The following SNTG1 variants were observed in gnomAD, a reference collection of about 807,000 sequenced individuals.
SNTG1 encodes the protein gamma-1-syntrophin.
SNTG1 carries 39 observed loss-of-function variants against 74.7 expected under a neutral mutation model. That is an observed-to-expected ratio of 0.52 (90% CI 0.40 to 0.68). SNTG1 has a LOEUF of 0.68. Ranked by LOEUF, SNTG1 falls within the 30% of genes least tolerant of loss-of-function variation. The pLI is 0.00. For synonymous variants in SNTG1, 254 were observed against 217.1 expected (o/e 1.17, Z -1.49); for missense variants, 685 against 609.5 (o/e 1.12, Z -1.30).
In SNTG1 at chr8:50,795,153, G is replaced by T. The variant is rs532545498; in HGVS notation, c.*2324G>T. ...ATACATTTAATATACTTTAAATTAC[G>T]TTGTAAAATGTAGCTTGATTAAAAA... On this transcript the variant is annotated 3_prime_UTR_variant, in exon 19 of 19. Coordinates refer to ENST00000642720, the MANE Select transcript of SNTG1 (RefSeq NM_018967.5). The T allele has an allele frequency of 3.3e-5, 5 of 151,792 alleles. No homozygotes were observed. Among genetic ancestry groups the T allele is most frequent in the Middle Eastern group, 3.4e-3 (1 of 292 alleles). 9.4% of individuals were successfully genotyped at this position (151,792 alleles called of 1,614,324 possible). A position where few individuals can be genotyped will look rare whatever the true frequency, so the allele number is the denominator to read the frequency against.
intron 12 of SNTG1, among the ~76,000 whole-genome samples, chr8:50,557,160 C>G (rs987226245): frequency 6.6e-6 from 1 of 151,378 alleles, no homozygotes; most frequent in African/African-American, 2.4e-5. Flanking sequence ...AGGGGCTGAT[C>G]CCTCCTACAG....
chr8:50,432,263 A>C (rs1049673256), intron 4 of SNTG1, among the ~76,000 whole-genome samples: 2 of 152,140 alleles, frequency 1.3e-5, no homozygotes, highest in African/African-American at 4.8e-5. Flanking sequence ...TGTTGGAAAA[A>C]AATATCTTTG....
chr8:50,574,565 A>G (rs535770156), intron 12 of SNTG1, among the ~76,000 whole-genome samples: 3 of 152,272 alleles, frequency 2.0e-5, no homozygotes, highest in Admixed American at 2.0e-4. Context: ...CTTTACACAT[A>G]TAAAACAAAA....
chr8:50,702,316 T>A (rs1438204041), intron 15 of SNTG1, among the ~76,000 whole-genome samples: 5 of 152,088 alleles, frequency 3.3e-5, no homozygotes, highest in Non-Finnish European at 7.4e-5. Context: ...TATGTTTTCA[T>A]TTTTTTCTCC....
At chr8:50,433,540 C>T (rs2093266831) in intron 4 of SNTG1, among the ~76,000 whole-genome samples, 1 of 147,882 alleles carries the variant, frequency 6.8e-6, no homozygotes, top group Non-Finnish European at 1.5e-5. Context: ...ATAGAAAGAA[C>T]AGCAGAGATC....
chr8:50,486,311 C>G (rs1409604798), intron 8 of SNTG1, among the ~76,000 whole-genome samples: 1 of 143,348 alleles, frequency 7.0e-6, no homozygotes, highest in Non-Finnish European at 1.5e-5. Context: ...TGTTTGTATC[C>G]TCTTTTATTT....
intron 1 of SNTG1, among the ~76,000 whole-genome samples, chr8:50,101,547 C>CTTATT (rs761422558): frequency 3.2e-4 from 48 of 151,672 alleles, no homozygotes; most frequent in Non-Finnish European, 6.2e-4. Flanking sequence ...AGTATATTTT[C>CTTATT]TTATTTTATT....
chr8:50,581,253 G>A (rs1453945670), intron 12 of SNTG1, among the ~76,000 whole-genome samples: 1 of 152,180 alleles, frequency 6.6e-6, no homozygotes, highest in African/African-American at 2.4e-5. Flanking sequence ...CTGCAACAAA[G>A]GAGGTAGATC....
intron 8 of SNTG1, among the ~76,000 whole-genome samples, chr8:50,458,792 T>G (rs2093532487): frequency 6.6e-6 from 1 of 152,160 alleles, no homozygotes; most frequent in African/African-American, 2.4e-5. Flanking sequence ...TACTGATTTC[T>G]AAGAGTTTGT....
intron 8 of SNTG1, among the ~76,000 whole-genome samples, chr8:50,475,589 A>G (rs2093690891): frequency 6.6e-6 from 1 of 152,156 alleles, no homozygotes; most frequent in Non-Finnish European, 1.5e-5. Context: ...CAACCACATC[A>G]TAAGCATCTC....
At position 50,442,614 on chromosome 8, in the gene SNTG1, T is replaced by C. The variant is rs547068358; in HGVS notation, c.219+4015T>C. Among the ~76,000 whole-genome samples the C allele has an allele frequency of 2.0e-5, 3 of 151,520 alleles. No individual in the cohort carries two copies. In the East Asian group the frequency reaches 5.8e-4, roughly 29 times the overall value. ...CCTGTTATTATTTAATTTTCCTTTG[T>C]TAAAACATCTCTCAGAAATCACATA... On this transcript the variant is annotated intron_variant, in intron 5 of 18. Transcript: ENST00000642720.
intron 18 of SNTG1, among the ~76,000 whole-genome samples, chr8:50,764,661 T>C (rs779621934): frequency 4.6e-5 from 7 of 151,952 alleles, no homozygotes; most frequent in Non-Finnish European, 1.0e-4. Flanking sequence ...GGAACCCCTG[T>C]ATGCTGTTGG....
At chr8:50,616,881 A>T (rs976197189) in intron 13 of SNTG1, among the ~76,000 whole-genome samples, 2 of 152,172 alleles carry the variant, frequency 1.3e-5, no homozygotes, top group Non-Finnish European at 2.9e-5. Flanking sequence ...TTCCTCCGTC[A>T]CGCAAGCCCC....
At chr8:50,482,497 C>T (rs1302569309) in intron 8 of SNTG1, among the ~76,000 whole-genome samples, 1 of 152,208 alleles carries the variant, frequency 6.6e-6, no homozygotes, top group Non-Finnish European at 1.5e-5. Context: ...CTCACACTCT[C>T]ATTGTGAGTT....
At chr8:50,273,029 C>G (rs993794158) in intron 2 of SNTG1, among the ~76,000 whole-genome samples, 2 of 152,074 alleles carry the variant, frequency 1.3e-5, no homozygotes, top group African/African-American at 4.8e-5. Context: ...CAAGCACGAG[C>G]ATATTTTTAA....
At chr8:50,656,781 T>G (rs924557528) in intron 13 of SNTG1, 128 bp from the exon 14 acceptor site, 18 of 626,032 alleles carry the variant, frequency 2.9e-5, no homozygotes, top group Non-Finnish European at 4.0e-5. Context: ...TTGATAATTT[T>G]ATGTGAGTTT....
chr8:50,187,040 A>G (rs2131750766), intron 2 of SNTG1, among the ~76,000 whole-genome samples: 1 of 152,158 alleles, frequency 6.6e-6, no homozygotes, highest in South Asian at 2.1e-4. Flanking sequence ...TCTTTAATCC[A>G]TCTTGAGTTA....
intron 18 of SNTG1, among the ~76,000 whole-genome samples, chr8:50,753,707 C>T (rs977318271): frequency 3.3e-5 from 5 of 151,678 alleles, no homozygotes; most frequent in African/African-American, 9.7e-5. Context: ...AGCTTTCTCT[C>T]ATATGTAATT....
At chr8:49,979,977 A>T (rs1812530177) in intron 1 of SNTG1, among the ~76,000 whole-genome samples, 1 of 152,218 alleles carries the variant, frequency 6.6e-6, no homozygotes, top group South Asian at 2.1e-4. Flanking sequence ...GTATTCGCTC[A>T]ATGTATTTGA....
Sources: allele counts gnomAD v4.1 joint callset (sites outside exome capture counted in the v4.1 genomes callset), GRCh38; gene constraint gnomAD v4.1.1; transcripts MANE v1.5; gene names NCBI Gene and HGNC (gene_info 2026-07-23, HGNC 2026-07-21).